Variants in COL10A1 observed in about 807,000 individuals in gnomAD.
COL10A1 encodes collagen alpha-1(X) chain.
Under a neutral mutation model 18.2 loss-of-function variants are expected in COL10A1, and 10 were observed. That is an observed-to-expected ratio of 0.55 (90% CI 0.34 to 0.93). The LOEUF is 0.93. Ranked by LOEUF, COL10A1 falls within the 40% of genes least tolerant of loss-of-function variation. The probability of loss-of-function intolerance (pLI) is 0.02; values close to 1 mark genes in which losing one functional copy is unlikely to be tolerated. For synonymous variants in COL10A1, 330 were observed against 316.6 expected, an observed-to-expected ratio of 1.04 and a Z score of -0.45; for missense variants, 897 against 853.5, an observed-to-expected ratio of 1.05 and a Z score of -0.64.
the COL10A1 span, among the ~76,000 whole-genome samples, chr6:116,210,448 A>C: frequency 6.6e-6 from 1 of 151,816 alleles, no homozygotes; most frequent in Non-Finnish European, 1.5e-5. Flanking sequence ...GCAGTATTGC[A>C]CAAGCTCCGA....
At position 116,120,641 on chromosome 6, in the gene COL10A1, G is replaced by T; in HGVS notation, c.1475C>A (p.Pro492Gln). 6.5e-7 allele frequency: 1 copy of T among 1,548,476 alleles called. No individual in the cohort carries two copies. The highest frequency in any genetic ancestry group is 1.3e-5 in the South Asian group (1 of 78,812). The change falls in exon 3 of 3, where the codon CCA (proline) becomes CAA (glutamine). Residue 492 changes from proline (P) to glutamine (Q), a missense_variant. Transcript: ENST00000651968. ...TKGLNGPTGP[P>Q]GPPGPRGHSG... ...GTGGCCTCTTGGACCTGGAGGCCCT[G>T]GTGGCCCGGTGGGTCCATTGAGGCC...
At chr6:116,200,005 G>T in the COL10A1 span, among the ~76,000 whole-genome samples, 1 of 150,452 alleles carries the variant, frequency 6.6e-6, no homozygotes, top group African/African-American at 2.5e-5. Flanking sequence ...AAAGTGGGGG[G>T]GGAAGAGTAA....
the COL10A1 span, among the ~76,000 whole-genome samples, chr6:116,190,000 G>A: frequency 6.6e-6 from 1 of 151,956 alleles, no homozygotes; most frequent in Non-Finnish European, 1.5e-5. Context: ...ATGATATAAT[G>A]GAAAGTACAG....
At chr6:116,191,946 G>A in the COL10A1 span, among the ~76,000 whole-genome samples, 8 of 152,018 alleles carry the variant, frequency 5.3e-5, no homozygotes, top group African/African-American at 1.9e-4. Context: ...TGATTGCCAT[G>A]ATTTTTTGGA....
At chr6:116,199,997 AGT>A in the COL10A1 span, among the ~76,000 whole-genome samples, 3 of 119,600 alleles carry the variant, frequency 2.5e-5, no homozygotes, top group African/African-American at 8.5e-5. Flanking sequence ...CAGTATGGAA[AGT>A]GGGGGGGGAA....
the COL10A1 span, among the ~76,000 whole-genome samples, chr6:116,213,817 G>A: frequency 6.6e-6 from 1 of 152,098 alleles, no homozygotes; most frequent in Non-Finnish European, 1.5e-5. Context: ...ATCAGAAAGA[G>A]TTGTGTCTAG....
At chr6:116,165,098 GAAAA>G in the COL10A1 span, among the ~76,000 whole-genome samples, 28 of 101,072 alleles carry the variant, frequency 2.8e-4, 1 homozygote, top group African/African-American at 1.1e-3. Flanking sequence ...CTCCGTCTCA[GAAAA>G]AAAAAAAAAA....
At chr6:116,128,871 T>A (rs1562129491), upstream of COL10A1, among the ~76,000 whole-genome samples, 1 of 152,196 alleles carries the variant, frequency 6.6e-6, no homozygotes. Flanking sequence ...ACCACCTTGT[T>A]AATATTAGTT....
In COL10A1 at chr6:116,138,410, G is replaced by A. The variant is rs1304464031; in HGVS notation, c.-15-12903C>T. On this transcript the variant is annotated intron_variant, in intron 1 of 1. Coordinates refer to the COL10A1 transcript ENST00000418500. ...TCCTTGTTAAGATTTGTGTGAAAGT[G>A]TAATCCCACTACGTCTGCTTTCCAA... 3.3e-5 allele frequency among the ~76,000 whole-genome samples: 5 copies of A among 152,296 alleles called. No homozygotes were observed. The East Asian group carries it at 5.8e-4, about 18-fold the overall frequency.
chr6:116,168,886 A>G, the COL10A1 span, among the ~76,000 whole-genome samples: 1 of 152,166 alleles, frequency 6.6e-6, no homozygotes, highest in Non-Finnish European at 1.5e-5. Context: ...GATTGAGGTG[A>G]TGTGAAGTTG....
chr6:116,127,418 C>T (rs1320299823), upstream of COL10A1, among the ~76,000 whole-genome samples: 1 of 152,040 alleles, frequency 6.6e-6, no homozygotes, highest in African/African-American at 2.4e-5. Context: ...TTGTATATAT[C>T]TCTGTATAAT....
In COL10A1 at chr6:116,121,847, A is replaced by G; in HGVS notation, c.269T>C (p.Leu90Pro). The G allele has an allele frequency of 6.2e-7, 1 of 1,613,728 alleles. No homozygotes were observed. The highest frequency in any genetic ancestry group is 8.5e-7 in the Non-Finnish European group (1 of 1,179,900). The change falls in exon 3 of 3, where the codon CTC becomes CCC. Residue 90 changes from leucine to proline, a missense_variant. Physicochemically the swap from Leu to Pro is moderately conservative, Grantham distance 98. Coordinates refer to ENST00000651968, the MANE Select transcript of COL10A1 (RefSeq NM_000493.4). Reference protein sequence around the residue: ...PGKPGYGSPGLQGEPGLPGPP... With the variant: ...PGKPGYGSPGPQGEPGLPGPP... ...TCCTGGCAACCCTGGCTCTCCTTGG[A>G]GTCCAGGACTTCCGTAGCCTGGTTT... is the stretch of plus-strand genomic sequence containing the variant.
Position 116,125,503 on chromosome 6 carries a change from G to A in COL10A1, c.-11C>T. On this transcript the variant is annotated 5_prime_UTR_variant, in exon 2 of 3. Transcript: ENST00000651968. ...TATTTGTGGCAGCATATTCTCAGAT[G>A]GATTCTGAAAAACAGAAAAGAATAA... The A allele has an allele frequency of 1.2e-6, 2 of 1,612,858 alleles. No homozygotes were observed. The highest frequency in any genetic ancestry group is 3.3e-5 in the Admixed American group (2 of 59,992).
the COL10A1 span, among the ~76,000 whole-genome samples, chr6:116,176,807 CT>C: frequency 3.9e-5 from 6 of 152,120 alleles, no homozygotes; most frequent in East Asian, 7.7e-4. Context: ...GTTGTTCCCC[CT>C]AGAGGGACAG....
the COL10A1 span, among the ~76,000 whole-genome samples, chr6:116,199,942 A>G: frequency 1.1e-3 from 166 of 149,212 alleles, no homozygotes; most frequent in Non-Finnish European, 2.2e-3. Context: ...ATGAATTTTT[A>G]CTCCTTAAGG....
chr6:116,197,799 G>A, the COL10A1 span, among the ~76,000 whole-genome samples: 5 of 152,160 alleles, frequency 3.3e-5, no homozygotes, highest in Non-Finnish European at 7.4e-5. Context: ...GATTGAAAGC[G>A]CTAGGTAAAC....
chr6:116,170,657 A>G, the COL10A1 span, among the ~76,000 whole-genome samples: 1 of 152,204 alleles, frequency 6.6e-6, no homozygotes, highest in Non-Finnish European at 1.5e-5. Context: ...GGATAAAGCC[A>G]TGTTTCTTAG....
chr6:116,215,791 G>T, the COL10A1 span, among the ~76,000 whole-genome samples: 1 of 152,252 alleles, frequency 6.6e-6, no homozygotes, highest in East Asian at 1.9e-4. Flanking sequence ...TGGTGGGATT[G>T]TGGGTAAACT....
At chr6:116,202,559 G>A in the COL10A1 span, among the ~76,000 whole-genome samples, 2 of 151,866 alleles carry the variant, frequency 1.3e-5, no homozygotes, top group Non-Finnish European at 2.9e-5. Context: ...TTCTTTTACA[G>A]ATGCAAATCT....
Sources: allele counts gnomAD v4.1 joint callset (sites outside exome capture counted in the v4.1 genomes callset), GRCh38; gene constraint gnomAD v4.1.1; transcripts MANE v1.5; gene names NCBI Gene and HGNC (gene_info 2026-07-23, HGNC 2026-07-21).